Variants in TENM3 observed in about 807,000 individuals in gnomAD.
TENM3 encodes the protein teneurin transmembrane protein 3.
In TENM3, 63 loss-of-function variants were observed where a neutral mutation model predicts 255.1. That is an observed-to-expected ratio of 0.25 (90% CI 0.20 to 0.30). The LOEUF (loss-of-function observed/expected upper bound fraction) is 0.30. Ranked by LOEUF, TENM3 falls within the 10% of genes least tolerant of loss-of-function variation. TENM3 has a pLI of 1.00. For synonymous variants in TENM3, 1,306 were observed against 1,322.3 expected, an observed-to-expected ratio of 0.99 and a Z score of 0.27; for missense variants, 2,929 against 3,461.1, an observed-to-expected ratio of 0.85 and a Z score of 3.86.
Position 182,793,135 on chromosome 4 carries a change from C to G in TENM3, c.6463C>G (p.Leu2155Val). The G allele has an allele frequency of 1.2e-6, 2 of 1,614,000 alleles. No homozygotes were observed. The highest frequency in any genetic ancestry group is 1.7e-6 in the Non-Finnish European group (2 of 1,179,898). ...EKIMWRYNYD[L>V]NGNLHLLNPS... ...GATAATGTGGCGGTACAACTACGAT[C>G]TGAATGGAAACCTCCATTTACTGAA... is the stretch of plus-strand genomic sequence containing the variant. The change falls in exon 26 of 28, where the codon CTG (leucine) becomes GTG (valine). Residue 2155 changes from leucine to valine, a missense_variant. By Grantham distance (32) the Leu-to-Val change is conservative. Coordinates refer to ENST00000511685, the MANE Select transcript of TENM3 (RefSeq NM_001080477.4). This position sits in a 1 kb window ranked among gnomAD's most constrained non-coding sequence, Gnocchi z 5.7.
At chr4:181,892,293 G>A in the TENM3 span, among the ~76,000 whole-genome samples, 29 of 152,116 alleles carry the variant, frequency 1.9e-4, no homozygotes, top group East Asian at 3.5e-3. Context: ...TATATGCTTC[G>A]CAAAGTTTCT....
chr4:182,564,791 A>G (rs1294454822), intron 3 of TENM3, among the ~76,000 whole-genome samples: 4 of 152,092 alleles, frequency 2.6e-5, no homozygotes, highest in Admixed American at 2.6e-4. Context: ...TCCTGCAATG[A>G]TCTAACATCT....
In TENM3 at chr4:182,759,442, C is replaced by T. The variant is rs114970530; in HGVS notation, c.4892+4183C>T. 7.9e-3 allele frequency among the ~76,000 whole-genome samples: 1,202 copies of T among 152,302 alleles called. 19 individuals are homozygous for T. The highest frequency in any genetic ancestry group is 0.027 in the African/African-American group (1,118 of 41,564). On this transcript the variant is annotated intron_variant, in intron 22 of 27. Coordinates refer to ENST00000511685, the MANE Select transcript of TENM3 (RefSeq NM_001080477.4). ...TGCGTTCTAAGTTAGTTCACACCTC[C>T]GTACCAATACTGAATGTTGAAAATG...
chr4:182,437,281 A>G (rs889134578), intron 3 of TENM3, among the ~76,000 whole-genome samples: 1 of 152,222 alleles, frequency 6.6e-6, no homozygotes, highest in African/African-American at 2.4e-5. Context: ...CTGTAATTTT[A>G]TAGTGGATAG....
intron 5 of TENM3, among the ~76,000 whole-genome samples, chr4:182,647,258 C>T (rs1346510450): frequency 6.6e-6 from 1 of 152,174 alleles, no homozygotes; most frequent in Admixed American, 6.5e-5. Context: ...TAAAATTTAT[C>T]GTCTTACACA....
intron 19 of TENM3, among the ~76,000 whole-genome samples, chr4:182,750,890 C>T (rs183629744): frequency 3.8e-4 from 58 of 152,294 alleles, no homozygotes; most frequent in African/African-American, 1.3e-3. Context: ...AATCTTTGCA[C>T]ATGTACAAGA....
chr4:181,977,765 T>C, the TENM3 span, among the ~76,000 whole-genome samples: 1 of 152,182 alleles, frequency 6.6e-6, no homozygotes, highest in Non-Finnish European at 1.5e-5. Flanking sequence ...CCTCTTGTCT[T>C]ACCTGGGACC....
chr4:182,023,159 C>T, the TENM3 span, among the ~76,000 whole-genome samples: 1 of 152,136 alleles, frequency 6.6e-6, no homozygotes, highest in African/African-American at 2.4e-5. Context: ...GAACGTTATT[C>T]TTGGCTTCCA....
In TENM3 at chr4:182,176,821, A is replaced by AATTT. The variant is rs1561169609; in HGVS notation, c.-76+32067_-76+32068insATTT. ...GGACTACTAAATTAGCATCCGGCTA[A>AATTT]TTTTTTTTTTTTTTTTTTTTTTTTT... On this transcript the variant is annotated intron_variant, in intron 1 of 2. Transcript: ENST00000512480. Among the ~76,000 whole-genome samples, 5 of 113,354 alleles carry AATTT rather than the reference A, an allele frequency of 4.4e-5. 1 individual carries two copies. The highest frequency in any genetic ancestry group is 5.3e-5 in the Non-Finnish European group (3 of 56,222). 74.4% of individuals were successfully genotyped at this position (113,354 alleles called of 152,430 possible).
At chr4:182,398,002 T>C (rs1768969297) in intron 3 of TENM3, among the ~76,000 whole-genome samples, 1 of 152,118 alleles carries the variant, frequency 6.6e-6, no homozygotes, top group African/African-American at 2.4e-5. Flanking sequence ...TTCGGATAAG[T>C]CTGGCATTTA....
chr4:182,670,477 A>AT (rs1256823023), intron 6 of TENM3, among the ~76,000 whole-genome samples: 1 of 152,192 alleles, frequency 6.6e-6, no homozygotes, highest in Non-Finnish European at 1.5e-5. Flanking sequence ...GTCCTCACTC[A>AT]TCTCTTCATG....
At chr4:182,203,649 C>T (rs559407377) in intron 1 of TENM3, among the ~76,000 whole-genome samples, 14 of 152,266 alleles carry the variant, frequency 9.2e-5, no homozygotes, top group Non-Finnish European at 1.9e-4. Flanking sequence ...TCCCTCTTTC[C>T]CAACGCCTCT....
intron 1 of TENM3, among the ~76,000 whole-genome samples, chr4:182,307,317 C>T (rs914862479): frequency 1.3e-5 from 2 of 151,732 alleles, no homozygotes; most frequent in Admixed American, 6.6e-5. Context: ...AAATAATCAT[C>T]GTAATCTGTG....
chr4:181,597,460 G>T, the TENM3 span, among the ~76,000 whole-genome samples: 1 of 149,096 alleles, frequency 6.7e-6, no homozygotes, highest in Non-Finnish European at 1.5e-5. Flanking sequence ...GCCAACATCT[G>T]TATATTATCT....
At chr4:181,770,046 A>C in the TENM3 span, among the ~76,000 whole-genome samples, 1 of 152,198 alleles carries the variant, frequency 6.6e-6, no homozygotes, top group East Asian at 1.9e-4. Flanking sequence ...GCCCAGTTAC[A>C]ACGGGGAAGC....
the TENM3 span, among the ~76,000 whole-genome samples, chr4:181,532,540 G>T: frequency 2.6e-5 from 4 of 152,154 alleles, no homozygotes; most frequent in Non-Finnish European, 5.9e-5. Context: ...ATGGCGTTTC[G>T]TTCTGGAGGG....
the TENM3 span, among the ~76,000 whole-genome samples, chr4:181,616,915 C>A: frequency 6.6e-6 from 1 of 152,140 alleles, no homozygotes; most frequent in African/African-American, 2.4e-5. Context: ...TCGGAAACTC[C>A]CTCATGGACA....
the TENM3 span, among the ~76,000 whole-genome samples, chr4:181,772,536 G>A: frequency 6.6e-6 from 1 of 152,178 alleles, no homozygotes; most frequent in African/African-American, 2.4e-5. Context: ...ATGTTAATGT[G>A]TTGTAACAAC....
chr4:181,805,655 T>C, the TENM3 span, among the ~76,000 whole-genome samples: 1 of 151,872 alleles, frequency 6.6e-6, no homozygotes, highest in Non-Finnish European at 1.5e-5. Context: ...CCCTCCACCA[T>C]GAGGGCTGAG....
Sources: allele counts gnomAD v4.1 joint callset (sites outside exome capture counted in the v4.1 genomes callset), GRCh38; gene constraint gnomAD v4.1.1; non-coding constraint Gnocchi (gnomAD v3.1); transcripts MANE v1.5; gene names NCBI Gene and HGNC (gene_info 2026-07-23, HGNC 2026-07-21).